The following PLCB4 variants were observed in gnomAD, a reference collection of about 807,000 sequenced individuals.
The protein encoded by PLCB4 is 1-phosphatidylinositol 4,5-bisphosphate phosphodiesterase beta-4.
PLCB4 carries 77 observed loss-of-function variants against 178.8 expected under a neutral mutation model. The observed-to-expected ratio is 0.43, with a 90% CI of 0.36 to 0.52. The LOEUF is 0.52. Among genes scored for constraint, PLCB4 ranks in the 20% least tolerant of loss-of-function variants. The pLI, the probability that PLCB4 is intolerant of heterozygous loss-of-function variation, is 0.00. For synonymous variants in PLCB4, 496 were observed against 490.8 expected, an observed-to-expected ratio of 1.01 and a Z score of -0.14; for missense variants, 1,024 against 1,453.4, an observed-to-expected ratio of 0.70 and a Z score of 4.80.
chr20:9,264,984 C>T (rs2094334686), intron 3 of PLCB4, among the ~76,000 whole-genome samples: 2 of 152,168 alleles, frequency 1.3e-5, no homozygotes, highest in Admixed American at 1.3e-4. Context: ...ACAACAAATT[C>T]ATTAGTTTTG....
At chr20:9,119,108 C>T (rs1312936173) in intron 2 of PLCB4, among the ~76,000 whole-genome samples, 3 of 152,158 alleles carry the variant, frequency 2.0e-5, no homozygotes, top group African/African-American at 7.2e-5. Context: ...CTAATAGTCA[C>T]ATTTTATTAA....
At chr20:9,472,329 A>G (rs555411944) in intron 36 of PLCB4, among the ~76,000 whole-genome samples, 2 of 152,340 alleles carry the variant, frequency 1.3e-5, no homozygotes, top group South Asian at 2.1e-4. Context: ...TGTGGTTTTT[A>G]TCATCTCTCC....
chr20:9,256,474 G>A (rs1048928065), intron 3 of PLCB4, among the ~76,000 whole-genome samples: 4 of 152,176 alleles, frequency 2.6e-5, no homozygotes, highest in African/African-American at 9.7e-5. Context: ...CCTCTTGTCG[G>A]CTAAACAAGG....
intron 2 of PLCB4, among the ~76,000 whole-genome samples, chr20:9,175,222 A>T (rs112043344): frequency 2.3e-4 from 35 of 152,218 alleles, no homozygotes; most frequent in African/African-American, 8.4e-4. Context: ...TCTCCAGGAG[A>T]TGATGAAGTG....
At chr20:9,194,692 C>CAAAAAA (rs555217572) in intron 2 of PLCB4, among the ~76,000 whole-genome samples, 11 of 40,758 alleles carry the variant, frequency 2.7e-4, no homozygotes, top group Admixed American at 7.2e-4. Context: ...GACTCCATCT[C>CAAAAAA]AAAAAAAAAA....
At chr20:9,114,807 C>T (rs758658954) in intron 2 of PLCB4, among the ~76,000 whole-genome samples, 3 of 152,188 alleles carry the variant, frequency 2.0e-5, no homozygotes, top group Non-Finnish European at 2.9e-5. Flanking sequence ...TGAGTAACGA[C>T]ATTTCTTCCT....
At chr20:9,307,494 T>TACACACACAC (rs745918024) in intron 3 of PLCB4, among the ~76,000 whole-genome samples, 18 of 138,086 alleles carry the variant, frequency 1.3e-4, no homozygotes, top group Non-Finnish European at 1.1e-4. Flanking sequence ...AAAAAAAGAA[T>TACACACACAC]ACACACACAC....
chr20:9,334,889 A>AG (rs1457425047), intron 4 of PLCB4, among the ~76,000 whole-genome samples: 2 of 152,150 alleles, frequency 1.3e-5, no homozygotes, highest in African/African-American at 4.8e-5. Flanking sequence ...GGCAAGCTCT[A>AG]GGGGTACTCA....
At chr20:9,476,420 T>C (rs1391080946) in intron 38 of PLCB4, among the ~76,000 whole-genome samples, 2 of 152,162 alleles carry the variant, frequency 1.3e-5, no homozygotes, top group Non-Finnish European at 1.5e-5. Context: ...ATCCTATCAT[T>C]TAATAAAGAG....
chr20:9,461,706 A>G (rs1485705818), intron 35 of PLCB4, among the ~76,000 whole-genome samples: 1 of 152,148 alleles, frequency 6.6e-6, no homozygotes, highest in East Asian at 1.9e-4. Context: ...CTGGGGTAGG[A>G]GCGTCCACCA....
intron 33 of PLCB4, 56 bp downstream of exon 33, chr20:9,453,518 C>A: frequency 9.2e-7 from 1 of 1,089,548 alleles, no homozygotes; most frequent in South Asian, 1.4e-5. Context: ...TTTGTCTTTT[C>A]CCACAGTTTT....
chr20:9,183,424 G>T (rs1412858942), intron 2 of PLCB4, among the ~76,000 whole-genome samples: 1 of 152,160 alleles, frequency 6.6e-6, no homozygotes, highest in Non-Finnish European at 1.5e-5. Flanking sequence ...AGGCATGGGG[G>T]AAAGGGCTGT....
chr20:9,224,846 G>A (rs1168965740), intron 3 of PLCB4, among the ~76,000 whole-genome samples: 10 of 152,118 alleles, frequency 6.6e-5, no homozygotes, highest in Non-Finnish European at 1.0e-4. Flanking sequence ...AATACTGTTC[G>A]CCCTGGTTTT....
At chr20:9,191,986 C>G (rs1267647077) in intron 2 of PLCB4, among the ~76,000 whole-genome samples, 3 of 151,618 alleles carry the variant, frequency 2.0e-5, no homozygotes, top group African/African-American at 7.3e-5. Context: ...GACTTTTTAG[C>G]TGTGCTACCA....
intron 1 of PLCB4, among the ~76,000 whole-genome samples, chr20:9,075,144 T>C (rs2089787908): frequency 6.6e-6 from 1 of 152,182 alleles, no homozygotes; most frequent in Admixed American, 6.5e-5. Context: ...AGATGTTAAA[T>C]TAATCATCCC....
intron 18 of PLCB4, among the ~76,000 whole-genome samples, chr20:9,395,289 G>A (rs181580278): frequency 5.1e-4 from 77 of 152,162 alleles, no homozygotes; most frequent in Middle Eastern, 3.4e-3. Flanking sequence ...CCATGTCCCC[G>A]CAATTCTTCA....
chr20:9,364,276 G>T (rs933113655), intron 8 of PLCB4, among the ~76,000 whole-genome samples: 3 of 152,170 alleles, frequency 2.0e-5, no homozygotes, highest in Admixed American at 1.3e-4. Flanking sequence ...TAGAAGGCTT[G>T]CTTATACCTG....
chr20:9,213,427 G>A (rs1389519119), intron 2 of PLCB4, among the ~76,000 whole-genome samples: 1 of 152,148 alleles, frequency 6.6e-6, no homozygotes, highest in East Asian at 1.9e-4. Context: ...TTACAGGCGT[G>A]AGCCAACATG....
chr20:9,412,707 C>A (rs2039942572), intron 25 of PLCB4, among the ~76,000 whole-genome samples: 1 of 152,086 alleles, frequency 6.6e-6, no homozygotes, highest in African/African-American at 2.4e-5. Context: ...CTTTGGCCTG[C>A]CTTCAGCAAT....
Sources: allele counts gnomAD v4.1 joint callset (sites outside exome capture counted in the v4.1 genomes callset), GRCh38; gene constraint gnomAD v4.1.1; transcripts MANE v1.5; gene names NCBI Gene and HGNC (gene_info 2026-07-23, HGNC 2026-07-21).